The following PIGL variants were observed in gnomAD, a reference collection of about 807,000 sequenced individuals.
PIGL encodes phosphatidylinositol glycan anchor biosynthesis class L.
Under a neutral mutation model 31.1 loss-of-function variants are expected in PIGL, and 22 were observed. The ratio of observed to expected loss-of-function variants is 0.71; its 90% CI spans 0.51 to 1.01. The LOEUF (loss-of-function observed/expected upper bound fraction) is 1.01. Among genes scored for constraint, PIGL ranks in the 50% least tolerant of loss-of-function variants. PIGL has a pLI of 0.00. For missense variants in PIGL, 302 were observed against 315.9 expected, an observed-to-expected ratio of 0.96 and a Z score of 0.33; for synonymous variants, 131 against 117.4, an observed-to-expected ratio of 1.12 and a Z score of -0.75.
chr17:16,320,205 GGAAGGAA>G (rs1207330865), intron 6 of PIGL, among the ~76,000 whole-genome samples: 2 of 3,050 alleles, frequency 6.6e-4, no homozygotes, highest in East Asian at 0.014. Context: ...AGAAAGAAAA[GGAAGGAA>G]GGAAGGAAGG....
chr17:16,322,869 G>T (rs1261790159), intron 6 of PIGL, among the ~76,000 whole-genome samples: 1 of 152,014 alleles, frequency 6.6e-6, no homozygotes, highest in Non-Finnish European at 1.5e-5. Context: ...GGTTTTTGTT[G>T]ATTTTGCTGT....
Position 16,256,333 on chromosome 17 carries a change from GTTGT to G in PIGL, c.335+22283_335+22286del, listed in dbSNP as rs370635313. Among the ~76,000 whole-genome samples the G allele has an allele frequency of 9.7e-3, 1,467 of 151,912 alleles. 22 individuals carry two copies. Among genetic ancestry groups the G allele is most frequent in the East Asian group, 0.05 (258 of 5,166 alleles). ...ATAATATAATATTGAGGGTTTTTTT[GTTGT>G]TTGTTTGTTTGTTTGTTTGAGACGG... On this transcript the variant is annotated intron_variant, in intron 2 of 6. Coordinates refer to ENST00000225609, the MANE Select transcript of PIGL (RefSeq NM_004278.4).
chr17:16,234,216 T>G (rs937403246), intron 2 of PIGL, 146 bp downstream of exon 2: 1 of 533,308 alleles, frequency 1.9e-6, no homozygotes, highest in African/African-American at 1.9e-5. Flanking sequence ...ACGCTTGTAA[T>G]CCCAGTACTT....
chr17:16,303,426 A>G (rs1354061966), intron 3 of PIGL, among the ~76,000 whole-genome samples: 1 of 152,146 alleles, frequency 6.6e-6, no homozygotes, highest in Non-Finnish European at 1.5e-5. Context: ...TGTGGTGCTG[A>G]GCTGCTCACA....
chr17:16,309,687 G>A (rs2093040285), intron 3 of PIGL, among the ~76,000 whole-genome samples: 1 of 151,842 alleles, frequency 6.6e-6, no homozygotes, highest in African/African-American at 2.4e-5. Context: ...CTTGAACCCA[G>A]GAGGTAGAAG....
At chr17:16,250,076 C>T (rs2092764423) in intron 2 of PIGL, among the ~76,000 whole-genome samples, 1 of 152,074 alleles carries the variant, frequency 6.6e-6, no homozygotes, top group Admixed American at 6.6e-5. Context: ...CCTCCCAAGT[C>T]GCTGGGATTA....
intron 2 of PIGL, among the ~76,000 whole-genome samples, chr17:16,295,745 C>T (rs191161808): frequency 6.6e-6 from 1 of 152,058 alleles, no homozygotes; most frequent in Non-Finnish European, 1.5e-5. Flanking sequence ...AGTTTGAGAC[C>T]AGCCTGGCCA....
At chr17:16,325,332 C>CAAAAAAAAAAAAAAAAAAAAAAAAA (rs55958956) in intron 6 of PIGL, among the ~76,000 whole-genome samples, 1 of 69,278 alleles carries the variant, frequency 1.4e-5, no homozygotes. Flanking sequence ...GCAACAGGCT[C>CAAAAAAAAAAAAAAAAAAAAAAAAA]AAAAAAAAAA....
chr17:16,235,151 A>G (rs1297086478), intron 2 of PIGL, among the ~76,000 whole-genome samples: 1 of 152,190 alleles, frequency 6.6e-6, no homozygotes, highest in Non-Finnish European at 1.5e-5. Flanking sequence ...ACAGACAGCC[A>G]TTATCATTAC....
At chr17:16,270,704 C>T (rs1169345427) in intron 2 of PIGL, among the ~76,000 whole-genome samples, 1 of 151,960 alleles carries the variant, frequency 6.6e-6, no homozygotes, top group Admixed American at 6.6e-5. Context: ...TGAGACCAGC[C>T]TGGCCGACAT....
chr17:16,308,888 C>G (rs1441379634), intron 3 of PIGL, among the ~76,000 whole-genome samples: 3 of 150,904 alleles, frequency 2.0e-5, no homozygotes, highest in Non-Finnish European at 4.4e-5. Context: ...CCCTGGACTC[C>G]TTGAAATCCT....
chr17:16,248,839 C>T (rs552254644), intron 2 of PIGL, among the ~76,000 whole-genome samples: 2 of 152,156 alleles, frequency 1.3e-5, no homozygotes, highest in Admixed American at 1.3e-4. Flanking sequence ...GTGGCTTAAA[C>T]AACACAAATT....
At chr17:16,235,799 A>G (rs2092697550) in intron 2 of PIGL, among the ~76,000 whole-genome samples, 1 of 145,616 alleles carries the variant, frequency 6.9e-6, no homozygotes, top group Non-Finnish European at 1.5e-5. Context: ...TTTGGGTCTA[A>G]CTTTTTGGGG....
intron 2 of PIGL, among the ~76,000 whole-genome samples, chr17:16,246,248 G>A (rs535935996): frequency 5.3e-5 from 8 of 151,646 alleles, no homozygotes; most frequent in Non-Finnish European, 8.8e-5. Flanking sequence ...GGCCGGGTGC[G>A]GTGGCTCACA....
chr17:16,262,228 A>G (rs187233925), intron 2 of PIGL, among the ~76,000 whole-genome samples: 1 of 152,236 alleles, frequency 6.6e-6, no homozygotes, highest in African/African-American at 2.4e-5. Flanking sequence ...GTCTCAAGAG[A>G]AAAAAGACAA....
intron 2 of PIGL, among the ~76,000 whole-genome samples, chr17:16,257,496 C>A (rs2092799232): frequency 6.6e-6 from 1 of 152,064 alleles, no homozygotes; most frequent in Non-Finnish European, 1.5e-5. Context: ...CTCTGAGGCT[C>A]AATTTTGAGG....
chr17:16,234,123 TATACTC>T lies in PIGL; in HGVS notation c.335+55_335+60del, dbSNP rs1210259176. 162 of 1,023,830 alleles carry T rather than the reference TATACTC, an allele frequency of 1.6e-4. 2 individuals carry two copies. The Middle Eastern group carries it at 7.2e-3, about 46-fold the overall frequency. The allele number at this position is 1,023,830 out of a possible 1,614,324, so 63.4% of individuals were successfully genotyped here. On this transcript the variant is annotated intron_variant, in intron 2 of 6. Coordinates refer to ENST00000225609, the MANE Select transcript of PIGL (RefSeq NM_004278.4). ...TTTATTGGCAATAAATATGCAGTGA[TATACTC>T]AAAAGACACACAAAAAACTAATGTG...
chr17:16,321,798 T>G (rs1372826804), intron 6 of PIGL, among the ~76,000 whole-genome samples: 1 of 151,978 alleles, frequency 6.6e-6, no homozygotes, highest in Admixed American at 6.6e-5. Flanking sequence ...TATGGTTTTT[T>G]TTTGAGACGG....
chr17:16,319,755 C>CAAA (rs56080514), intron 6 of PIGL, among the ~76,000 whole-genome samples: 1 of 78,726 alleles, frequency 1.3e-5, no homozygotes, highest in East Asian at 3.6e-4. Flanking sequence ...ACTCCGTCTC[C>CAAA]AAAAAAAAAA....
Sources: gnomAD v4.1 joint callset for allele counts (sites outside exome capture counted in the v4.1 genomes callset) on GRCh38, gnomAD v4.1.1 for gene constraint, MANE v1.5 for transcripts, NCBI Gene and HGNC (gene_info 2026-07-23, HGNC 2026-07-21) for gene names.